Variants in SUSD6 observed in about 807,000 individuals in gnomAD.
The protein encoded by SUSD6 is sushi domain-containing protein 6.
Under a neutral mutation model 28.4 loss-of-function variants are expected in SUSD6, and 16 were observed. The observed-to-expected ratio is 0.56, with a 90% CI of 0.38 to 0.86. The LOEUF (loss-of-function observed/expected upper bound fraction) is 0.86, where lower values mean the gene tolerates loss of function less well. SUSD6 is among the 40% of genes least tolerant of loss of function. The probability of loss-of-function intolerance (pLI) is 0.00; values close to 1 mark genes in which losing one functional copy is unlikely to be tolerated. For missense variants in SUSD6, 341 were observed against 384.2 expected, an observed-to-expected ratio of 0.89 and a Z score of 0.94; for synonymous variants, 147 against 159.6, an observed-to-expected ratio of 0.92 and a Z score of 0.59.
chr14:69,639,339 A>AAG (rs1885315474), intron 1 of SUSD6, among the ~76,000 whole-genome samples: 1 of 149,620 alleles, frequency 6.7e-6, no homozygotes, highest in Non-Finnish European at 1.5e-5. Flanking sequence ...AAAAAAAAAA[A>AAG]GAAATAAGGC....
intron 2 of SUSD6, among the ~76,000 whole-genome samples, chr14:69,663,578 T>C (rs985953292): frequency 1.1e-4 from 16 of 152,218 alleles, no homozygotes; most frequent in Admixed American, 8.5e-4. Flanking sequence ...CTAATGTGTA[T>C]AGAGCATCAC....
chr14:69,705,927 T>C (rs1886381015), intron 4 of SUSD6, among the ~76,000 whole-genome samples: 1 of 152,252 alleles, frequency 6.6e-6, no homozygotes, highest in African/African-American at 2.4e-5. Flanking sequence ...TCCTGGCAGT[T>C]CCTCATTCCC....
chr14:69,611,613 A>AGCCGTCGCTACC lies in SUSD6; in HGVS notation c.-291_-280dup, dbSNP rs1884873251. On this transcript the variant is annotated 5_prime_UTR_variant, in exon 1 of 6. Coordinates refer to ENST00000342745, the MANE Select transcript of SUSD6 (RefSeq NM_014734.4). ...GCTGGGTCAGTGACGCGGGCGCTGC[A>AGCCGTCGCTACC]GCCGTCGCTACCGCCGCGTTCTATT... The AGCCGTCGCTACC allele has an allele frequency of 6.8e-6, 1 of 147,490 alleles. No homozygotes were observed. Among genetic ancestry groups the AGCCGTCGCTACC allele is most frequent in the African/African-American group, 2.5e-5 (1 of 40,088 alleles). The allele number at this position is 147,490 out of a possible 1,614,324, so 9.1% of individuals were successfully genotyped here.
intron 2 of SUSD6, among the ~76,000 whole-genome samples, chr14:69,698,990 G>A (rs995629249): frequency 1.3e-5 from 2 of 152,148 alleles, no homozygotes; most frequent in African/African-American, 2.4e-5. Flanking sequence ...ACCTGGAATT[G>A]TCAGAGAATG....
intron 2 of SUSD6, among the ~76,000 whole-genome samples, chr14:69,673,767 G>A (rs869030329): frequency 1.4e-5 from 2 of 138,350 alleles, no homozygotes; most frequent in Non-Finnish European, 3.3e-5. Context: ...GGGCTCTGTG[G>A]TATGAAGAAC....
At chr14:69,706,860 A>G (rs1272497555) in intron 4 of SUSD6, among the ~76,000 whole-genome samples, 2 of 152,198 alleles carry the variant, frequency 1.3e-5, no homozygotes, top group East Asian at 1.9e-4. Flanking sequence ...CAACAATAAT[A>G]TGGTCTAGCA....
chr14:69,650,970 A>G (rs1277097909), intron 1 of SUSD6, among the ~76,000 whole-genome samples: 3 of 152,148 alleles, frequency 2.0e-5, no homozygotes, highest in Non-Finnish European at 4.4e-5. Flanking sequence ...AACAATGAGG[A>G]TAGAGTTAAT....
rs1886520357 is a variant in SUSD6 at position 69,714,639 on chromosome 14, G to C, written c.*3660G>C. 1.3e-5 allele frequency: 2 copies of C among 152,288 alleles called. No individual in the cohort carries two copies. Among genetic ancestry groups the C allele is most frequent in the African/African-American group, 4.8e-5 (2 of 41,464 alleles). 9.4% of individuals were successfully genotyped at this position (152,288 alleles called of 1,614,324 possible). A position where few individuals can be genotyped will look rare whatever the true frequency, so the allele number is the denominator to read the frequency against. ...GCATATGTTTGGTCTGAATGGTGTA[G>C]TTGCTGGTTCCCTAGAGAGGAAAAG... On this transcript the variant is annotated 3_prime_UTR_variant, in exon 6 of 6. Transcript: ENST00000342745.
At position 69,647,177 on chromosome 14, in the gene SUSD6, G is replaced by T. The variant is rs370959339; in HGVS notation, c.-80-11336G>T. On this transcript the variant is annotated intron_variant, in intron 1 of 5. Coordinates refer to ENST00000342745, the MANE Select transcript of SUSD6 (RefSeq NM_014734.4). ...TACCTTGGCCTTGGTGAAGCTGAAT[G>T]CTCCTGGTTACACTAACTTTTGGGA... is the stretch of plus-strand genomic sequence containing the variant. 5.3e-5 allele frequency among the ~76,000 whole-genome samples: 8 copies of T among 152,290 alleles called. No homozygotes were observed. The East Asian group carries it at 9.6e-4, about 18-fold the overall frequency.
rs180693334 is a variant in SUSD6 at position 69,672,884 on chromosome 14, C to A, written c.121+14171C>A. Among the ~76,000 whole-genome samples, 22 of 152,346 alleles carry A rather than the reference C, an allele frequency of 1.4e-4. No individual in the cohort carries two copies. In the East Asian group the frequency reaches 2.3e-3, roughly 16 times the overall value. On this transcript the variant is annotated intron_variant, in intron 2 of 5. Coordinates refer to ENST00000342745, the MANE Select transcript of SUSD6 (RefSeq NM_014734.4). The stretch of plus-strand genomic sequence containing the variant: ...GCTGGTCTCACCAGCCTAGAGCTGG[C>A]ATGAAAAGGTCCTGTTTTGTTCACA...
At chr14:69,647,927 G>A (rs542338939) in intron 1 of SUSD6, among the ~76,000 whole-genome samples, 6 of 152,204 alleles carry the variant, frequency 3.9e-5, no homozygotes, top group South Asian at 4.1e-4. Context: ...AGAGGTTGCC[G>A]TGAGCCGAGA....
chr14:69,689,741 C>T (rs1886127486), intron 2 of SUSD6, among the ~76,000 whole-genome samples: 1 of 152,234 alleles, frequency 6.6e-6, no homozygotes, highest in Admixed American at 6.5e-5. Flanking sequence ...TGTCCACTTA[C>T]TGAAGCCTCC....
At chr14:69,665,258 T>G (rs1214575233) in intron 2 of SUSD6, among the ~76,000 whole-genome samples, 1 of 152,156 alleles carries the variant, frequency 6.6e-6, no homozygotes, top group East Asian at 1.9e-4. Flanking sequence ...TTTTTTTTTC[T>G]GAGACAGGGT....
At chr14:69,622,357 G>A (rs529271404) in intron 1 of SUSD6, among the ~76,000 whole-genome samples, 2 of 152,042 alleles carry the variant, frequency 1.3e-5, no homozygotes, top group African/African-American at 2.4e-5. Context: ...TTGCAGAGAC[G>A]GGGTTTTGCC....
At chr14:69,637,907 C>T (rs1018657246) in intron 1 of SUSD6, among the ~76,000 whole-genome samples, 9 of 152,114 alleles carry the variant, frequency 5.9e-5, no homozygotes, top group African/African-American at 2.2e-4. Context: ...CCCCCCTTCT[C>T]CCCACGTTCT....
chr14:69,625,264 A>G (rs984432236), intron 1 of SUSD6, among the ~76,000 whole-genome samples: 6 of 152,386 alleles, frequency 3.9e-5, no homozygotes, highest in African/African-American at 1.4e-4. Context: ...CAGTTAACTC[A>G]GTATCTGGCA....
chr14:69,633,876 T>C (rs1297171000), intron 1 of SUSD6, among the ~76,000 whole-genome samples: 3 of 152,128 alleles, frequency 2.0e-5, no homozygotes, highest in Non-Finnish European at 4.4e-5. Flanking sequence ...ATGTGAACCA[T>C]TGGAGGTGAA....
Position 69,654,771 on chromosome 14 carries a change from C to CT in SUSD6, c.-80-3724dup, listed in dbSNP as rs747847939. On this transcript the variant is annotated intron_variant, in intron 1 of 5. Transcript: ENST00000342745. ...GAAGGCGACCATTAGTTACCAATTT[C>CT]TTTTTTTTTTTTTTTTTTGGTGTGT... Among the ~76,000 whole-genome samples, 320 of 122,440 alleles carry CT rather than the reference C, an allele frequency of 2.6e-3. 3 individuals carry two copies. The highest frequency in any genetic ancestry group is 0.01 in the African/African-American group (301 of 29,414). 80.3% of individuals were successfully genotyped at this position (122,440 alleles called of 152,430 possible).
intron 2 of SUSD6, among the ~76,000 whole-genome samples, chr14:69,694,535 A>G (rs1886196616): frequency 6.6e-6 from 1 of 152,056 alleles, no homozygotes; most frequent in Non-Finnish European, 1.5e-5. Context: ...AACCTTGGAG[A>G]TGGGTGGGGT....
Sources: allele counts gnomAD v4.1 joint callset (sites outside exome capture counted in the v4.1 genomes callset), GRCh38; gene constraint gnomAD v4.1.1; transcripts MANE v1.5; gene names NCBI Gene and HGNC (gene_info 2026-07-23, HGNC 2026-07-21).